The following ENKUR variants were observed in gnomAD, a reference collection of about 807,000 sequenced individuals.
ENKUR encodes enkurin, TRPC channel interacting protein, also known as enkurin.
A neutral mutation model predicts 27.6 loss-of-function variants in ENKUR; 19 were observed. That is an observed-to-expected ratio of 0.69 (90% CI 0.48 to 1.01). The LOEUF is 1.01. ENKUR is among the 50% of genes least tolerant of loss of function. The probability of loss-of-function intolerance (pLI) is 0.00; values close to 1 mark genes in which losing one functional copy is unlikely to be tolerated. For synonymous variants in ENKUR, 117 were observed against 96.9 expected (o/e 1.21, Z -1.22); for missense variants, 312 against 310.5 (o/e 1.00, Z -0.04).
rs1312656396 is a variant in ENKUR at position 24,982,479 on chromosome 10, C to A, written c.*1891G>T. On this transcript the variant is annotated 3_prime_UTR_variant, in exon 6 of 6. Coordinates refer to ENST00000331161, the MANE Select transcript of ENKUR (RefSeq NM_145010.4). ...TCTTCCTTTGAACAGGAAGAGAAACCAAGTCAAACTAGCTGCATAATGAAG... is the reference window on the plus strand; with the variant it reads ...TCTTCCTTTGAACAGGAAGAGAAACAAAGTCAAACTAGCTGCATAATGAAG... 6.6e-6 allele frequency: 1 copy of A among 152,222 alleles called. No individual in the cohort carries two copies. Among genetic ancestry groups the A allele is most frequent in the South Asian group, 2.1e-4 (1 of 4,804 alleles). 9.4% of individuals were successfully genotyped at this position (152,222 alleles called of 1,614,324 possible). A position where few individuals can be genotyped will look rare whatever the true frequency, so the allele number is the denominator to read the frequency against.
chr10:25,028,821 G>T (rs185222918), intron 2 of ENKUR, among the ~76,000 whole-genome samples: 2 of 152,038 alleles, frequency 1.3e-5, no homozygotes, highest in Non-Finnish European at 2.9e-5. Context: ...GATTAGATTC[G>T]CTTTCTTCCT....
chr10:24,999,567 T>C, intron 1 of ENKUR, 21 bp from the exon 2 acceptor site: 2 of 1,580,122 alleles, frequency 1.3e-6, no homozygotes, highest in Non-Finnish European at 1.7e-6. Context: ...ATTTTAAAAG[T>C]TGTAGCATTT....
At chr10:25,047,255 A>G (rs1426004853) in intron 2 of ENKUR, among the ~76,000 whole-genome samples, 2 of 152,178 alleles carry the variant, frequency 1.3e-5, no homozygotes, top group Non-Finnish European at 2.9e-5. Flanking sequence ...AGGATTCAAC[A>G]TCAGGAGCGT....
intron 2 of ENKUR, chr10:25,025,299 C>CT: frequency 1.2e-6 from 2 of 1,614,180 alleles, no homozygotes; most frequent in Non-Finnish European, 1.7e-6. Flanking sequence ...CAAGTCAGCT[C>CT]TATTTGCTGG....
At chr10:25,017,445 G>C (rs960521902), upstream of ENKUR, among the ~76,000 whole-genome samples, 1 of 152,136 alleles carries the variant, frequency 6.6e-6, no homozygotes, top group African/African-American at 2.4e-5. Context: ...CCGGAGAGGA[G>C]AGAAAACACA....
chr10:25,027,600 G>A (rs928591302), intron 2 of ENKUR, among the ~76,000 whole-genome samples: 7 of 150,558 alleles, frequency 4.6e-5, no homozygotes, highest in African/African-American at 1.7e-4. Flanking sequence ...TAAAAGACAT[G>A]ATTTCTGGCT....
chr10:25,016,416 G>A (rs1183461609), upstream of ENKUR, among the ~76,000 whole-genome samples: 1 of 152,228 alleles, frequency 6.6e-6, no homozygotes, highest in Non-Finnish European at 1.5e-5. Flanking sequence ...GTGCGCAGGC[G>A]TCACCCAATA....
chr10:25,060,916 G>T (rs1362272968), intron 2 of ENKUR, among the ~76,000 whole-genome samples: 6 of 151,398 alleles, frequency 4.0e-5, no homozygotes, highest in African/African-American at 1.5e-4. Context: ...ATCTCACCAT[G>T]TTTCCCAGGC....
At chr10:25,011,466 AAAAC>A (rs1850442403) in intron 1 of ENKUR, among the ~76,000 whole-genome samples, 1 of 152,202 alleles carries the variant, frequency 6.6e-6, no homozygotes, top group African/African-American at 2.4e-5. Flanking sequence ...AAACCTGAGA[AAAAC>A]AAGCAATAGG....
At chr10:25,010,029 A>C (rs983052403) in intron 1 of ENKUR, among the ~76,000 whole-genome samples, 5 of 152,194 alleles carry the variant, frequency 3.3e-5, no homozygotes, top group African/African-American at 1.2e-4. Flanking sequence ...AAAATGTGAA[A>C]GCGACTTTGG....
chr10:24,999,667 T>C, intron 1 of ENKUR, 121 bp from the exon 2 acceptor site: 1 of 930,754 alleles, frequency 1.1e-6, no homozygotes, highest in Non-Finnish European at 1.6e-6. Context: ...TGGAAAAGCA[T>C]AATCATAAAA....
intron 4 of ENKUR, among the ~76,000 whole-genome samples, chr10:24,988,921 G>C (rs758380537): frequency 6.6e-6 from 1 of 151,602 alleles, no homozygotes; most frequent in Non-Finnish European, 1.5e-5. Context: ...GAGGCCAGCC[G>C]GTGGCTTTGT....
intron 2 of ENKUR, among the ~76,000 whole-genome samples, chr10:25,057,613 T>A (rs1213474705): frequency 6.6e-6 from 1 of 152,150 alleles, no homozygotes; most frequent in Non-Finnish European, 1.5e-5. Context: ...CTGCTAAGTC[T>A]GCCATATCAA....
At chr10:25,057,435 C>T (rs1013244773) in intron 2 of ENKUR, among the ~76,000 whole-genome samples, 2 of 145,576 alleles carry the variant, frequency 1.4e-5, no homozygotes, top group Non-Finnish European at 3.0e-5. Flanking sequence ...ACACAATGCC[C>T]TTAAATCGCT....
At chr10:25,033,845 A>ATCTG (rs1320874832) in intron 2 of ENKUR, among the ~76,000 whole-genome samples, 1 of 151,232 alleles carries the variant, frequency 6.6e-6, no homozygotes, top group African/African-American at 2.4e-5. Flanking sequence ...CTATCTATCT[A>ATCTG]TCTATCTATC....
At chr10:25,020,186 A>T (rs1850688454), upstream of ENKUR, among the ~76,000 whole-genome samples, 1 of 151,830 alleles carries the variant, frequency 6.6e-6, no homozygotes, top group African/African-American at 2.4e-5. Context: ...TGTTTGTGGG[A>T]AATAATATTG....
rs374779231 is a variant in ENKUR, at chr10:24,993,348, C to T, written c.447+2298G>A. On this transcript the variant is annotated intron_variant, in intron 3 of 5. Coordinates refer to ENST00000331161, the MANE Select transcript of ENKUR (RefSeq NM_145010.4). ...CATTTTGTGTCAAGTGCTCAATATA[C>T]TTTATATAATTTAATCCTCACTACA... Among the ~76,000 whole-genome samples the T allele has an allele frequency of 1.6e-4, 24 of 152,290 alleles. No homozygotes were observed. The East Asian group carries it at 3.5e-3, about 22-fold the overall frequency.
intron 2 of ENKUR, among the ~76,000 whole-genome samples, chr10:25,027,383 A>C (rs1393031611): frequency 1.4e-5 from 2 of 146,688 alleles, no homozygotes; most frequent in Non-Finnish European, 1.5e-5. Context: ...AAAAAAAAAA[A>C]AAAACTAGCC....
chr10:25,014,614 A>G (rs751312601), intron 1 of ENKUR, among the ~76,000 whole-genome samples: 1 of 152,236 alleles, frequency 6.6e-6, no homozygotes, highest in African/African-American at 2.4e-5. Context: ...TCAATATTCT[A>G]TAGAAATACA....
Sources: allele counts gnomAD v4.1 joint callset (sites outside exome capture counted in the v4.1 genomes callset), GRCh38; gene constraint gnomAD v4.1.1; transcripts MANE v1.5; gene names NCBI Gene and HGNC (gene_info 2026-07-23, HGNC 2026-07-21).